MYOM2: variants seen among roughly 807,000 people sequenced by gnomAD.
MYOM2 encodes myomesin-2.
In MYOM2, 254 loss-of-function variants were observed where a neutral mutation model predicts 187.6. That is an observed-to-expected ratio of 1.35 (90% CI 1.22 to 1.50). The LOEUF is 1.50. MYOM2 is among the 40% of genes most tolerant of loss of function. The probability of loss-of-function intolerance (pLI) is 0.00; values close to 1 mark genes in which losing one functional copy is unlikely to be tolerated. For missense variants in MYOM2, 2,796 were observed against 1,924.0 expected (o/e 1.45, Z -8.48); for synonymous variants, 981 against 753.8 (o/e 1.30, Z -4.94).
chr8:2,117,043 G>A (rs1243995903), intron 27 of MYOM2, among the ~76,000 whole-genome samples: 2 of 152,236 alleles, frequency 1.3e-5, no homozygotes, highest in Non-Finnish European at 2.9e-5. Context: ...GATTACAGGG[G>A]TGATCCACTG....
chr8:2,085,175 C>T lies in MYOM2; in HGVS notation c.1517-88C>T, dbSNP rs150872669. ...AGAAACAAAACAAGTTCAACACCCA[C>T]GTGGCAGAGTCCTCCAGTGCCCCGA... On this transcript the variant is annotated intron_variant, in intron 13 of 36. Transcript: ENST00000262113. The T allele has an allele frequency of 3.5e-4, 525 of 1,493,598 alleles. 1 individual carries two copies. The highest frequency in any genetic ancestry group is 3.5e-3 in the African/African-American group (252 of 71,752). The allele number at this position is 1,493,598 out of a possible 1,614,324, so 92.5% of individuals were successfully genotyped here. A position where few individuals can be genotyped will look rare whatever the true frequency, so the allele number is the denominator to read the frequency against.
chr8:2,086,491 G>A (rs1030098963), intron 14 of MYOM2, among the ~76,000 whole-genome samples: 1 of 146,042 alleles, frequency 6.8e-6, no homozygotes, highest in Non-Finnish European at 1.5e-5. Flanking sequence ...ATCTCTGTGT[G>A]GCCCCCCACT....
rs1275347674 is a variant in MYOM2, at chr8:2,069,179, G to T, written c.654-99G>T. On this transcript the variant is annotated intron_variant, in intron 6 of 36. Transcript: ENST00000262113. Reference sequence around the variant, plus strand: ...AATCACTCATGAACAAATAAACCACGCCATGTGATTTGCTTTCGAGGAATG... The same window carrying T: ...AATCACTCATGAACAAATAAACCACTCCATGTGATTTGCTTTCGAGGAATG... The T allele has an allele frequency of 2.6e-6, 3 of 1,138,296 alleles. No homozygotes were observed. In the Admixed American group the frequency reaches 6.7e-5, roughly 26 times the overall value. 70.5% of individuals were successfully genotyped at this position (1,138,296 alleles called of 1,614,324 possible). A position where few individuals can be genotyped will look rare whatever the true frequency, so the allele number is the denominator to read the frequency against.
intron 3 of MYOM2, among the ~76,000 whole-genome samples, chr8:2,055,776 A>G (rs1234248508): frequency 6.6e-6 from 1 of 152,144 alleles, no homozygotes; most frequent in Non-Finnish European, 1.5e-5. Flanking sequence ...TGGGTCTCGG[A>G]CAGGCCTTAC....
chr8:2,138,367 C>T (rs1656581045), intron 32 of MYOM2, among the ~76,000 whole-genome samples: 1 of 152,194 alleles, frequency 6.6e-6, no homozygotes, highest in African/African-American at 2.4e-5. Flanking sequence ...AGCAGCTGGG[C>T]GGAGCCTGGG....
chr8:2,078,473 C>T (rs1313038424), intron 11 of MYOM2, among the ~76,000 whole-genome samples: 2 of 152,092 alleles, frequency 1.3e-5, no homozygotes, highest in Non-Finnish European at 2.9e-5. Context: ...AGAAATTGAT[C>T]TTCAGCTATA....
Position 2,092,456 on chromosome 8 carries a change from G to A in MYOM2, c.1939G>A (p.Asp647Asn), listed in dbSNP as rs1234911627. 6.2e-7 allele frequency: 1 copy of A among 1,614,140 alleles called. No individual in the cohort carries two copies. The highest frequency in any genetic ancestry group is 8.5e-7 in the Non-Finnish European group (1 of 1,180,018). ...GGAGGACCTGCTGGGCTACTACGTG[G>A]ACTGCTGTGTGGCCGGAACCAACCT... ...HEEDLLGYYV[D>N]CCVAGTNLWE... Residue 647 changes from aspartate (D) to asparagine (N), a missense_variant, in exon 16 of 37, where the codon GAC becomes AAC. Physicochemically the swap from Asp to Asn is conservative, Grantham distance 23 (BLOSUM62 1). Transcript: ENST00000262113.
intron 15 of MYOM2, among the ~76,000 whole-genome samples, 189 bp from the exon 16 acceptor site, chr8:2,092,157 C>T (rs540636969): frequency 6.6e-6 from 1 of 151,806 alleles, no homozygotes; most frequent in East Asian, 1.9e-4. Flanking sequence ...TCAGAGAGAC[C>T]AGCACCTCCC....
intron 8 of MYOM2, among the ~76,000 whole-genome samples, chr8:2,070,009 C>T (rs926425380): frequency 2.0e-5 from 3 of 152,174 alleles, no homozygotes; most frequent in South Asian, 2.1e-4. Flanking sequence ...TCCAGAGACC[C>T]GCCCCAGGCC....
chr8:2,082,536 A>G (rs568216952), intron 13 of MYOM2, among the ~76,000 whole-genome samples: 1 of 152,230 alleles, frequency 6.6e-6, no homozygotes, highest in East Asian at 1.9e-4. Flanking sequence ...TTTTCTCACC[A>G]TTTTAATCTT....
chr8:2,140,973 A>C (rs3736659), intron 33 of MYOM2, 87 bp downstream of exon 33: 1 of 1,382,154 alleles, frequency 7.2e-7, no homozygotes, highest in Non-Finnish European at 9.8e-7. Context: ...TATGAATACA[A>C]GAGACAATAT....
At chr8:2,087,235 G>A (rs138499960) in intron 14 of MYOM2, among the ~76,000 whole-genome samples, 10 of 152,290 alleles carry the variant, frequency 6.6e-5, no homozygotes, top group African/African-American at 1.2e-4. Context: ...AATACAATAT[G>A]TAGTATGCAA....
chr8:2,127,661 CG>C, intron 31 of MYOM2: 1 of 147,372 alleles, frequency 6.8e-6, no homozygotes, highest in Non-Finnish European at 1.5e-5. Flanking sequence ...GGCAGTACCT[CG>C]GCGTGACGCG....
intron 13 of MYOM2, among the ~76,000 whole-genome samples, chr8:2,083,436 GTGTGCTTAGCGGCATCTCGCA>G (rs1214251132): frequency 1.2e-5 from 1 of 81,584 alleles, no homozygotes. Context: ...AGTATCTCAT[GTGTGCTTAGCGGCATCTCGCA>G]TGTGCTTAGC....
At chr8:2,059,296 C>G in intron 6 of MYOM2, 51 bp downstream of exon 6, 1 of 1,537,156 alleles carries the variant, frequency 6.5e-7, no homozygotes, top group Non-Finnish European at 9.0e-7. Flanking sequence ...ATCAGCATTG[C>G]AGACCCCAAA....
chr8:2,045,734 C>A (rs184788361), intron 1 of MYOM2, among the ~76,000 whole-genome samples: 1 of 152,198 alleles, frequency 6.6e-6, no homozygotes, highest in African/African-American at 2.4e-5. Flanking sequence ...CTTCTTTGTG[C>A]TGTTGGGTGT....
intron 16 of MYOM2, 55 bp downstream of exon 16, chr8:2,092,575 T>G: frequency 6.3e-7 from 1 of 1,576,646 alleles, no homozygotes; most frequent in Non-Finnish European, 8.6e-7. Flanking sequence ...GCAAGACCGT[T>G]GAGGTCCCTG....
At chr8:2,141,622 G>A (rs1336186175) in intron 34 of MYOM2, among the ~76,000 whole-genome samples, 2 of 152,180 alleles carry the variant, frequency 1.3e-5, no homozygotes, top group African/African-American at 4.8e-5. Context: ...TGTGAGGTTG[G>A]AATACCTCTG....
At position 2,073,520 on chromosome 8, in the gene MYOM2, C is replaced by G. The variant is rs761691879; in HGVS notation, c.1120+20C>G. ...TCAGAGGTGCGGGCAGCAGGGTTCTCAGGGTGCAGACCTTGTGTGTGCCCG... is the reference window on the plus strand; with the variant it reads ...TCAGAGGTGCGGGCAGCAGGGTTCTGAGGGTGCAGACCTTGTGTGTGCCCG... On this transcript the variant is annotated intron_variant, in intron 10 of 36. Coordinates refer to ENST00000262113, the MANE Select transcript of MYOM2 (RefSeq NM_003970.4). 29 of 1,585,600 alleles carry G rather than the reference C, an allele frequency of 1.8e-5. No individual in the cohort carries two copies. The highest frequency in any genetic ancestry group is 1.6e-4 in the South Asian group (14 of 89,780).
Sources: gnomAD v4.1 joint callset for allele counts (sites outside exome capture counted in the v4.1 genomes callset) on GRCh38, gnomAD v4.1.1 for gene constraint, MANE v1.5 for transcripts, NCBI Gene and HGNC (gene_info 2026-07-23, HGNC 2026-07-21) for gene names.